BCL7C: variants seen among roughly 807,000 people sequenced by gnomAD.
The protein encoded by BCL7C is B-cell CLL/lymphoma 7 protein family member C.
A neutral mutation model predicts 26.2 loss-of-function variants in BCL7C; 8 were observed. The observed-to-expected ratio is 0.30, with a 90% CI of 0.18 to 0.55. The LOEUF (loss-of-function observed/expected upper bound fraction) is 0.55, where lower values mean the gene tolerates loss of function less well. BCL7C is among the 20% of genes least tolerant of loss of function. The probability of loss-of-function intolerance (pLI) is 0.93; values close to 1 mark genes in which losing one functional copy is unlikely to be tolerated. For missense variants in BCL7C, 262 were observed against 298.5 expected (o/e 0.88, Z 0.90); for synonymous variants, 90 against 116.5 (o/e 0.77, Z 1.47).
Position 30,834,951 on chromosome 16 carries a change from C to G in BCL7C, c.726G>C (p.Arg242Ser). Reference sequence around the variant, plus strand: ...TTGGCTTGCTTGGGGAGCCCACTCACCTCCCCTTACCCTGGGGGATTGTTC... The same window carrying G: ...TTGGCTTGCTTGGGGAGCCCACTCAGCTCCCCTTACCCTGGGGGATTGTTC... Residue 242 changes from arginine to serine, a missense_variant, in exon 6 of 6, where the codon AGG (arginine) becomes AGC (serine). By Grantham distance (110) the Arg-to-Ser change is moderately radical. Transcript: ENST00000380317. The surrounding 1 kb of genome is among the most constrained non-coding windows in gnomAD (Gnocchi z 4.3). 6.5e-7 allele frequency: 1 copy of G among 1,531,850 alleles called. No individual in the cohort carries two copies. The highest frequency in any genetic ancestry group is 8.8e-7 in the Non-Finnish European group (1 of 1,137,656). The allele number at this position is 1,531,850 out of a possible 1,614,324, so 94.9% of individuals were successfully genotyped here.
intron 5 of BCL7C, among the ~76,000 whole-genome samples, chr16:30,843,482 G>T: frequency 6.6e-6 from 1 of 150,436 alleles, no homozygotes; most frequent in South Asian, 2.1e-4. Context: ...GGTCACTTGG[G>T]CCTGGGAGGT....
chr16:30,846,199 AATTTATTTATTTATTTATTT>A (rs748604975), intron 5 of BCL7C, among the ~76,000 whole-genome samples: 1 of 131,414 alleles, frequency 7.6e-6, no homozygotes, highest in African/African-American at 3.1e-5. Context: ...CTAATTTTAA[AATTTATTTATTTATTTATTT>A]ATTTATTTAT....
chr16:30,846,289 G>A (rs567455765), intron 5 of BCL7C, among the ~76,000 whole-genome samples: 6 of 149,632 alleles, frequency 4.0e-5, no homozygotes, highest in African/African-American at 1.2e-4. Flanking sequence ...GCAGTGGCGC[G>A]ATCTCAGCTC....
intron 5 of BCL7C, among the ~76,000 whole-genome samples, chr16:30,843,761 C>T (rs1394442201): frequency 4.0e-5 from 6 of 151,544 alleles, no homozygotes; most frequent in Non-Finnish European, 7.4e-5. Flanking sequence ...CAGCATAGAC[C>T]GGGCACTGTG....
At chr16:30,866,365 T>C (rs2054828403) in intron 5 of BCL7C, among the ~76,000 whole-genome samples, 1 of 151,792 alleles carries the variant, frequency 6.6e-6, no homozygotes, top group East Asian at 1.9e-4. Flanking sequence ...TCACTTGAGG[T>C]CAGGAGTTTG....
intron 5 of BCL7C, among the ~76,000 whole-genome samples, chr16:30,850,342 T>C (rs1005298950): frequency 2.0e-5 from 3 of 152,220 alleles, no homozygotes; most frequent in Non-Finnish European, 2.9e-5. Flanking sequence ...TATCTTGTTA[T>C]ATCCTTTTAC....
At chr16:30,879,448 C>T (rs1036817102) in intron 5 of BCL7C, among the ~76,000 whole-genome samples, 6 of 151,848 alleles carry the variant, frequency 4.0e-5, no homozygotes, top group Non-Finnish European at 2.9e-5. Context: ...CACAATAATC[C>T]GGATGACCCT....
intron 5 of BCL7C, among the ~76,000 whole-genome samples, chr16:30,860,990 A>G (rs565510513): frequency 7.2e-5 from 11 of 151,950 alleles, no homozygotes; most frequent in Non-Finnish European, 1.3e-4. Flanking sequence ...GCCCTCCCCC[A>G]TCTGCCCAAC....
intron 5 of BCL7C, among the ~76,000 whole-genome samples, chr16:30,857,527 G>A (rs2054733514): frequency 6.6e-6 from 1 of 152,130 alleles, no homozygotes; most frequent in Non-Finnish European, 1.5e-5. Context: ...ATGGCTGCTA[G>A]GCTATTGGTT....
At chr16:30,850,776 T>A (rs2054668111) in intron 5 of BCL7C, among the ~76,000 whole-genome samples, 1 of 152,180 alleles carries the variant, frequency 6.6e-6, no homozygotes, top group Admixed American at 6.5e-5. Context: ...TTGCCCTAGA[T>A]GAGTTAGTAA....
At chr16:30,877,892 T>C (rs1286231182) in intron 5 of BCL7C, among the ~76,000 whole-genome samples, 2 of 149,516 alleles carry the variant, frequency 1.3e-5, no homozygotes, top group Non-Finnish European at 3.0e-5. Flanking sequence ...CCAGGGCCCT[T>C]GGCCGGGCGC....
In BCL7C at chr16:30,834,854, G is replaced by A. The variant is rs533354999; in HGVS notation, c.*94C>T. 1.0e-5 allele frequency: 13 copies of A among 1,262,474 alleles called. No homozygotes were observed. The Admixed American group carries it at 2.4e-4, about 23-fold the overall frequency. 78.2% of individuals were successfully genotyped at this position (1,262,474 alleles called of 1,614,324 possible). A position where few individuals can be genotyped will look rare whatever the true frequency, so the allele number is the denominator to read the frequency against. On this transcript the variant is annotated 3_prime_UTR_variant, in exon 6 of 6. Coordinates refer to the BCL7C transcript ENST00000380317. The surrounding 1 kb of genome is among the most constrained non-coding windows in gnomAD (Gnocchi z 4.3). ...CGATGTTACCGCGGTGGGTGAGCTG[G>A]GAAGCTCTTTCCGCCCTCGGGGCAC...
At chr16:30,835,215 A>G (rs1377179081) in intron 5 of BCL7C, 15 of 1,347,694 alleles carry the variant, frequency 1.1e-5, no homozygotes, top group Admixed American at 3.2e-5. Context: ...GTTTCCACCA[A>G]CTTGTCCCAT....
At chr16:30,858,908 A>C (rs976455307) in intron 5 of BCL7C, among the ~76,000 whole-genome samples, 1 of 152,162 alleles carries the variant, frequency 6.6e-6, no homozygotes, top group East Asian at 1.9e-4. Flanking sequence ...AACACCCTAT[A>C]AGCTTCCAGA....
intron 5 of BCL7C, among the ~76,000 whole-genome samples, chr16:30,838,977 T>C (rs933164743): frequency 6.6e-6 from 1 of 152,192 alleles, no homozygotes; most frequent in Admixed American, 6.5e-5. Flanking sequence ...AAAATGTCTC[T>C]ATGACAATAG....
intron 5 of BCL7C, among the ~76,000 whole-genome samples, chr16:30,858,137 C>T (rs1358598957): frequency 6.6e-6 from 1 of 152,084 alleles, no homozygotes; most frequent in African/African-American, 2.4e-5. Flanking sequence ...CTTTAGTCTG[C>T]CATTGCAGAG....
chr16:30,877,935 G>T (rs756440284), intron 5 of BCL7C, among the ~76,000 whole-genome samples: 2 of 151,710 alleles, frequency 1.3e-5, no homozygotes, highest in Non-Finnish European at 2.9e-5. Context: ...AGCACTTTGG[G>T]AGGCCAAGGC....
At chr16:30,867,498 C>T (rs564337584) in intron 5 of BCL7C, among the ~76,000 whole-genome samples, 33 of 152,186 alleles carry the variant, frequency 2.2e-4, no homozygotes, top group Admixed American at 1.4e-3. Flanking sequence ...CAGGGGGGCA[C>T]AATGTAATCA....
chr16:30,894,053 C>T lies in BCL7C; in HGVS notation c.-109G>A, dbSNP rs907735154. ...GCCGCGCTCTCGGCCTGCCGTCCCC[C>T]CTGGAGTTGGCCGCGCCCTCTCTCG... On this transcript the variant is annotated 5_prime_UTR_variant, in exon 1 of 6. Transcript: ENST00000215115. 39 of 288,252 alleles carry T rather than the reference C, an allele frequency of 1.4e-4. No individual in the cohort carries two copies. Among genetic ancestry groups the T allele is most frequent in the Non-Finnish European group, 3.3e-5 (6 of 184,596 alleles). 17.9% of individuals were successfully genotyped at this position (288,252 alleles called of 1,614,324 possible). A position where few individuals can be genotyped will look rare whatever the true frequency, so the allele number is the denominator to read the frequency against.
Sources: gnomAD v4.1 joint callset for allele counts (sites outside exome capture counted in the v4.1 genomes callset) on GRCh38, gnomAD v4.1.1 for gene constraint, Gnocchi (gnomAD v3.1) non-coding constraint, MANE v1.5 for transcripts, NCBI Gene and HGNC (gene_info 2026-07-23, HGNC 2026-07-21) for gene names.